The following GPHN variants were observed in gnomAD, a reference collection of about 807,000 sequenced individuals.
The protein encoded by GPHN is gephyrin.
GPHN carries 17 observed loss-of-function variants against 95.5 expected under a neutral mutation model. That is an observed-to-expected ratio of 0.18 (90% CI 0.12 to 0.27). GPHN has a LOEUF of 0.27. Among genes scored for constraint, GPHN ranks in the 10% least tolerant of loss-of-function variants. The pLI is 1.00. For missense variants in GPHN, 660 were observed against 978.1 expected (o/e 0.67, Z 4.34); for synonymous variants, 320 against 322.5 (o/e 0.99, Z 0.08).
At position 67,112,897 on chromosome 14, in the gene GPHN, T is replaced by C; in HGVS notation, c.1473-121T>C. ...TCCCTTCAATTCATTGTTTTCCTAC[T>C]ACTTTATTTCTAGACTTTTTTGTCT... is the stretch of plus-strand genomic sequence containing the variant. On this transcript the variant is annotated intron_variant, in intron 15 of 22. Transcript: ENST00000478722. 3 of 811,648 alleles carry C rather than the reference T, an allele frequency of 3.7e-6. No individual in the cohort carries two copies. In the South Asian group the frequency reaches 4.4e-5, roughly 12 times the overall value. 50.3% of individuals were successfully genotyped at this position (811,648 alleles called of 1,614,324 possible). A position where few individuals can be genotyped will look rare whatever the true frequency, so the allele number is the denominator to read the frequency against.
At chr14:67,187,615 C>T in the GPHN span, among the ~76,000 whole-genome samples, 1 of 152,350 alleles carries the variant, frequency 6.6e-6, no homozygotes, top group East Asian at 1.9e-4. Context: ...GATGAAGTCC[C>T]AGCACCTAGT....
the GPHN span, among the ~76,000 whole-genome samples, chr14:67,453,213 G>T: frequency 6.6e-6 from 1 of 152,182 alleles, no homozygotes; most frequent in African/African-American, 2.4e-5. Flanking sequence ...TTATCCCCCG[G>T]GGGGTCAGCT....
chr14:66,650,315 GAACATA>G (rs1361633585), intron 1 of GPHN, among the ~76,000 whole-genome samples: 3 of 152,102 alleles, frequency 2.0e-5, no homozygotes, highest in African/African-American at 7.2e-5. Flanking sequence ...AAAAGAACAT[GAACATA>G]AAGAACAGAA....
At chr14:66,872,360 C>A (rs1436269082) in intron 4 of GPHN, among the ~76,000 whole-genome samples, 1 of 152,042 alleles carries the variant, frequency 6.6e-6, no homozygotes, top group Non-Finnish European at 1.5e-5. Context: ...TGTATTGCTT[C>A]CAACTATTAT....
At chr14:66,679,081 T>C (rs1207773470) in intron 1 of GPHN, among the ~76,000 whole-genome samples, 1 of 152,230 alleles carries the variant, frequency 6.6e-6, no homozygotes, top group Non-Finnish European at 1.5e-5. Context: ...ACGCACTAGG[T>C]GGGCCAGCCC....
intron 2 of GPHN, among the ~76,000 whole-genome samples, chr14:66,743,519 G>T (rs138176827): frequency 1.3e-5 from 2 of 151,944 alleles, no homozygotes; most frequent in Non-Finnish European, 2.9e-5. Context: ...GGCGGATCAC[G>T]AGGTGAGGAG....
At chr14:67,170,373 G>A (rs1336886180) in intron 21 of GPHN, among the ~76,000 whole-genome samples, 1 of 152,088 alleles carries the variant, frequency 6.6e-6, no homozygotes, top group African/African-American at 2.4e-5. Flanking sequence ...GAGTCATAAA[G>A]CTTAGATTTA....
At chr14:67,326,274 T>C in the GPHN span, among the ~76,000 whole-genome samples, 1 of 131,308 alleles carries the variant, frequency 7.6e-6, no homozygotes, top group Non-Finnish European at 1.6e-5. Context: ...GGAGATTCTA[T>C]ATGTCACCCA....
chr14:66,684,332 T>C (rs1262300171), intron 2 of GPHN, among the ~76,000 whole-genome samples: 1 of 152,198 alleles, frequency 6.6e-6, no homozygotes, highest in Non-Finnish European at 1.5e-5. Context: ...GTGTATTATA[T>C]GTCTTAATTG....
chr14:67,646,696 G>A, the GPHN span: 1 of 1,613,800 alleles, frequency 6.2e-7, no homozygotes, highest in African/African-American at 1.3e-5. Context: ...TCTTCTGCAA[G>A]TATTGTGTAT....
chr14:66,755,012 A>T (rs140845591), intron 2 of GPHN, among the ~76,000 whole-genome samples: 66 of 152,208 alleles, frequency 4.3e-4, no homozygotes, highest in African/African-American at 1.4e-3. Context: ...AGCAGAACTT[A>T]AATAAAAATA....
the GPHN span, chr14:67,729,101 C>A: frequency 7.5e-7 from 1 of 1,336,708 alleles, no homozygotes; most frequent in South Asian, 1.2e-5. Flanking sequence ...TGAGTCCCTC[C>A]TTCTCACTTG....
chr14:67,412,039 C>G, the GPHN span: 1 of 1,557,746 alleles, frequency 6.4e-7, no homozygotes, highest in Non-Finnish European at 8.7e-7. Context: ...GGAAGCCCTC[C>G]TTGAGCACGC....
At chr14:67,321,209 C>T in the GPHN span, 15 of 1,614,018 alleles carry the variant, frequency 9.3e-6, no homozygotes, top group African/African-American at 1.1e-4. Context: ...AGATTCTGTA[C>T]GGCAAGTGAT....
intron 10 of GPHN, among the ~76,000 whole-genome samples, chr14:67,037,785 A>AG (rs2074495983): frequency 6.6e-6 from 1 of 151,826 alleles, no homozygotes; most frequent in Non-Finnish European, 1.5e-5. Context: ...ACTAAAAAAA[A>AG]AAAAAAATAG....
At chr14:67,150,549 T>A (rs2081219797) in intron 18 of GPHN, among the ~76,000 whole-genome samples, 1 of 151,738 alleles carries the variant, frequency 6.6e-6, no homozygotes, top group Non-Finnish European at 1.5e-5. Flanking sequence ...TTAAATATTA[T>A]ATAGGAAAAA....
the GPHN span, among the ~76,000 whole-genome samples, chr14:67,458,503 T>C: frequency 6.6e-6 from 1 of 152,202 alleles, no homozygotes; most frequent in East Asian, 1.9e-4. Context: ...TATTGTTCTT[T>C]CTAAGCATTT....
intron 6 of GPHN, 65 bp downstream of exon 6, chr14:66,916,134 A>C: frequency 9.1e-7 from 1 of 1,095,496 alleles, no homozygotes; most frequent in Non-Finnish European, 1.4e-6. Context: ...AAAGTTAGCC[A>C]GCCAAAAAGT....
At chr14:66,896,248 G>T (rs1336539387) in intron 5 of GPHN, among the ~76,000 whole-genome samples, 1 of 152,076 alleles carries the variant, frequency 6.6e-6, no homozygotes, top group East Asian at 1.9e-4. Flanking sequence ...TAAAAATAAT[G>T]TCTCAATTAT....
Sources: gnomAD v4.1 joint callset for allele counts (sites outside exome capture counted in the v4.1 genomes callset) on GRCh38, gnomAD v4.1.1 for gene constraint, MANE v1.5 for transcripts, NCBI Gene and HGNC (gene_info 2026-07-23, HGNC 2026-07-21) for gene names.